SLC4A4: variants seen among roughly 807,000 people sequenced by gnomAD.
SLC4A4 encodes electrogenic sodium bicarbonate cotransporter 1.
SLC4A4 carries 27 observed loss-of-function variants against 111.5 expected under a neutral mutation model. The observed-to-expected ratio is 0.24, with a 90% confidence interval of 0.18 to 0.33. The LOEUF (loss-of-function observed/expected upper bound fraction) is 0.33. Among genes scored for constraint, SLC4A4 ranks in the 10% least tolerant of loss-of-function variants. The probability of loss-of-function intolerance (pLI) is 1.00; values close to 1 mark genes in which losing one functional copy is unlikely to be tolerated. For synonymous variants in SLC4A4, 443 were observed against 463.4 expected, an observed-to-expected ratio of 0.96 and a Z score of 0.57; for missense variants, 909 against 1,315.5, an observed-to-expected ratio of 0.69 and a Z score of 4.78.
rs114916814 is a variant in SLC4A4, at chr4:71,281,874, C to T, written c.253+26475C>T. The stretch of plus-strand genomic sequence containing the variant: ...AACTGTGGATTTGTCTTGAACAATA[C>T]GTAGCACTGGTGACTGAGGCAAGGG... On this transcript the variant is annotated intron_variant, in intron 3 of 25. Coordinates refer to ENST00000264485, the MANE Select transcript of SLC4A4 (RefSeq NM_001098484.3). Among the ~76,000 whole-genome samples, 1,402 of 151,234 alleles carry T rather than the reference C, an allele frequency of 9.3e-3. 27 individuals carry two copies. Among genetic ancestry groups the T allele is most frequent in the African/African-American group, 0.033 (1,344 of 41,258 alleles).
At chr4:71,378,259 CTAA>C (rs1241816302) in intron 6 of SLC4A4, among the ~76,000 whole-genome samples, 1 of 152,146 alleles carries the variant, frequency 6.6e-6, no homozygotes, top group African/African-American at 2.4e-5. Flanking sequence ...GTGGGCAGCA[CTAA>C]TGACTACCAC....
intron 2 of SLC4A4, among the ~76,000 whole-genome samples, chr4:71,112,581 C>CT (rs1743118243): frequency 6.6e-6 from 1 of 152,158 alleles, no homozygotes; most frequent in African/African-American, 2.4e-5. Flanking sequence ...ATAAAGTTTT[C>CT]TTTTCAGAAT....
chr4:71,479,291 T>C (rs1728655261), intron 14 of SLC4A4, among the ~76,000 whole-genome samples: 2 of 151,716 alleles, frequency 1.3e-5, no homozygotes, highest in Non-Finnish European at 3.0e-5. Context: ...CCAAGCCTGG[T>C]CTGGAAGTAA....
rs185348038 is a variant in SLC4A4 at position 71,313,151 on chromosome 4, C to T, written c.254-26219C>T. Among the ~76,000 whole-genome samples the T allele has an allele frequency of 2.0e-5, 3 of 152,216 alleles. No homozygotes were observed. In the East Asian group the frequency reaches 5.8e-4, roughly 29 times the overall value. ...CACCAAAAATAGACAAACAGAGAGT[C>T]AAATCATGAGTGAACTTTCATTCAC... On this transcript the variant is annotated intron_variant, in intron 3 of 25. Coordinates refer to ENST00000264485, the MANE Select transcript of SLC4A4 (RefSeq NM_001098484.3).
chr4:71,269,715 A>T (rs779099645), intron 3 of SLC4A4, among the ~76,000 whole-genome samples: 1 of 152,238 alleles, frequency 6.6e-6, no homozygotes, highest in Non-Finnish European at 1.5e-5. Context: ...GAACCTTGTG[A>T]GAAATATAAT....
intron 7 of SLC4A4, among the ~76,000 whole-genome samples, chr4:71,420,353 T>C (rs1261967963): frequency 1.3e-5 from 2 of 151,928 alleles, no homozygotes; most frequent in East Asian, 1.9e-4. Flanking sequence ...ACCAAATCTA[T>C]CTCTGATTGG....
chr4:71,250,650 C>T (rs1720999087), intron 2 of SLC4A4, among the ~76,000 whole-genome samples: 4 of 152,180 alleles, frequency 2.6e-5, no homozygotes, highest in South Asian at 2.1e-4. Context: ...ATAAAATGCA[C>T]GTCATGAAAC....
chr4:71,559,849 T>A (rs903115365), intron 22 of SLC4A4, among the ~76,000 whole-genome samples: 1 of 151,922 alleles, frequency 6.6e-6, no homozygotes, highest in African/African-American at 2.4e-5. Flanking sequence ...TTGAATGTGA[T>A]CATGCATTTT....
At chr4:71,069,984 A>G (rs1035884828) in intron 1 of SLC4A4, among the ~76,000 whole-genome samples, 1 of 152,198 alleles carries the variant, frequency 6.6e-6, no homozygotes, top group African/African-American at 2.4e-5. Flanking sequence ...TTCCTGTCTC[A>G]CAAATAACCC....
intron 2 of SLC4A4, among the ~76,000 whole-genome samples, chr4:71,145,068 G>T (rs1453793549): frequency 6.6e-6 from 1 of 152,190 alleles, no homozygotes; most frequent in Non-Finnish European, 1.5e-5. Context: ...CATTCAGTAT[G>T]ATATTGGCTG....
intron 1 of SLC4A4, among the ~76,000 whole-genome samples, chr4:71,210,551 A>G (rs982379348): frequency 1.3e-5 from 2 of 152,188 alleles, no homozygotes; most frequent in Non-Finnish European, 2.9e-5. Context: ...TCACAAAATA[A>G]CATGTTATTT....
chr4:71,296,465 A>G (rs1724799193), intron 3 of SLC4A4, among the ~76,000 whole-genome samples: 1 of 152,218 alleles, frequency 6.6e-6, no homozygotes, highest in South Asian at 2.1e-4. Context: ...ATTAAAAGAA[A>G]CGTGGAAAAA....
chr4:71,231,755 G>A (rs189530990), intron 1 of SLC4A4, among the ~76,000 whole-genome samples: 47 of 152,294 alleles, frequency 3.1e-4, no homozygotes, highest in African/African-American at 1.1e-3. Context: ...TGTTTTCAGC[G>A]AATGCAGGTT....
At chr4:71,289,393 T>C (rs1724154918) in intron 3 of SLC4A4, among the ~76,000 whole-genome samples, 1 of 152,154 alleles carries the variant, frequency 6.6e-6, no homozygotes, top group African/African-American at 2.4e-5. Flanking sequence ...TTACAACTAG[T>C]TAGTGGATAC....
chr4:71,148,551 C>T (rs947831573), intron 2 of SLC4A4, among the ~76,000 whole-genome samples: 7 of 152,118 alleles, frequency 4.6e-5, no homozygotes, highest in Non-Finnish European at 4.4e-5. Context: ...TTCCTCTCAT[C>T]CTCCACTCTC....
chr4:71,177,897 C>A (rs1745150257), intron 2 of SLC4A4, among the ~76,000 whole-genome samples: 1 of 152,198 alleles, frequency 6.6e-6, no homozygotes, highest in Non-Finnish European at 1.5e-5. Flanking sequence ...CACCACACCA[C>A]ACTTATTTCA....
intron 2 of SLC4A4, among the ~76,000 whole-genome samples, chr4:71,140,112 C>T (rs150234559): frequency 6.6e-6 from 1 of 152,056 alleles, no homozygotes. Flanking sequence ...ACATAGCATC[C>T]AATGGGAATA....
At chr4:71,400,783 G>A (rs1720285316) in intron 7 of SLC4A4, among the ~76,000 whole-genome samples, 1 of 151,984 alleles carries the variant, frequency 6.6e-6, no homozygotes, top group South Asian at 2.1e-4. Flanking sequence ...AAGGAAAGTG[G>A]ATTTGCAAGT....
intron 1 of SLC4A4, among the ~76,000 whole-genome samples, chr4:71,225,303 G>T (rs866839639): frequency 2.0e-5 from 3 of 151,650 alleles, no homozygotes; most frequent in Non-Finnish European, 4.4e-5. Context: ...GGTGAGCTGA[G>T]ATCGTACCAC....
Sources: allele counts gnomAD v4.1 joint callset (sites outside exome capture counted in the v4.1 genomes callset), GRCh38; gene constraint gnomAD v4.1.1; transcripts MANE v1.5; gene names NCBI Gene and HGNC (gene_info 2026-07-23, HGNC 2026-07-21).